Variants in PTPRK observed in about 807,000 individuals in gnomAD.
PTPRK encodes protein tyrosine phosphatase receptor type K, also known as receptor-type tyrosine-protein phosphatase kappa.
A neutral mutation model predicts 178.0 loss-of-function variants in PTPRK; 75 were observed. The ratio of observed to expected loss-of-function variants is 0.42; its 90% confidence interval spans 0.35 to 0.51. The LOEUF (loss-of-function observed/expected upper bound fraction) is 0.51, where lower values mean the gene tolerates loss of function less well. Ranked by LOEUF, PTPRK falls within the 20% of genes least tolerant of loss-of-function variation. The pLI is 0.02. For synonymous variants in PTPRK, 637 were observed against 620.6 expected (o/e 1.03, Z -0.39); for missense variants, 1,441 against 1,797.8 (o/e 0.80, Z 3.59).
intron 7 of PTPRK, among the ~76,000 whole-genome samples, chr6:128,170,260 C>T (rs1307247773): frequency 1.3e-5 from 2 of 151,940 alleles, no homozygotes; most frequent in African/African-American, 2.4e-5. Flanking sequence ...AAATAAGTGA[C>T]AGGGAAGATA....
intron 5 of PTPRK, among the ~76,000 whole-genome samples, chr6:128,238,722 T>A (rs576414993): frequency 2.0e-5 from 3 of 152,222 alleles, no homozygotes. Context: ...TTATACAACA[T>A]GCTTTCCAGG....
chr6:128,408,783 T>C lies in PTPRK; in HGVS notation c.101-11095A>G, dbSNP rs191509587. Among the ~76,000 whole-genome samples, 95 of 152,114 alleles carry C rather than the reference T, an allele frequency of 6.2e-4. 1 individual carries two copies. The highest frequency in any genetic ancestry group is 9.4e-4 in the Non-Finnish European group (64 of 67,998). On this transcript the variant is annotated intron_variant, in intron 1 of 29. Transcript: ENST00000368226. ...TGAACCCAATGGCTATAGGAAAAAA[T>C]TGAAAGAACAGACTTGAAGGGCACT...
At chr6:128,239,423 A>G (rs1253686025) in intron 5 of PTPRK, among the ~76,000 whole-genome samples, 2 of 152,214 alleles carry the variant, frequency 1.3e-5, no homozygotes, top group Non-Finnish European at 2.9e-5. Flanking sequence ...TTCTTAGTCT[A>G]TAGTTTTATC....
intron 1 of PTPRK, chr6:128,491,606 C>A: frequency 2.8e-6 from 1 of 359,880 alleles, no homozygotes; most frequent in Non-Finnish European, 5.6e-6. Flanking sequence ...AATTCTCAAG[C>A]TAGAAGACTG....
At chr6:128,036,919 A>T (rs1460392230) in intron 13 of PTPRK, among the ~76,000 whole-genome samples, 1 of 152,088 alleles carries the variant, frequency 6.6e-6, no homozygotes, top group East Asian at 1.9e-4. Flanking sequence ...TTTAGTACAG[A>T]TAGGGTTTCA....
intron 25 of PTPRK, among the ~76,000 whole-genome samples, chr6:127,978,640 C>T (rs575946407): frequency 6.6e-6 from 1 of 152,308 alleles, no homozygotes; most frequent in East Asian, 1.9e-4. Context: ...AATCAAATGT[C>T]TGCTCCATGC....
intron 1 of PTPRK, among the ~76,000 whole-genome samples, chr6:128,487,399 G>A (rs984849838): frequency 5.3e-5 from 8 of 151,350 alleles, no homozygotes; most frequent in Non-Finnish European, 1.2e-4. Flanking sequence ...GCCTTATTCT[G>A]ACTTTCTCCT....
chr6:128,268,408 CAT>C (rs908995456), intron 3 of PTPRK, among the ~76,000 whole-genome samples: 28 of 151,998 alleles, frequency 1.8e-4, no homozygotes, highest in Admixed American at 1.5e-3. Flanking sequence ...TGAGAGGAAA[CAT>C]AAAATGCAGA....
At chr6:128,305,696 AT>A (rs1562251216) in intron 3 of PTPRK, among the ~76,000 whole-genome samples, 1 of 152,208 alleles carries the variant, frequency 6.6e-6, no homozygotes, top group Non-Finnish European at 1.5e-5. Context: ...CAAATGTTTC[AT>A]TTTTGCCATA....
chr6:128,141,130 C>T (rs2114510038), intron 7 of PTPRK, among the ~76,000 whole-genome samples: 1 of 151,882 alleles, frequency 6.6e-6, no homozygotes, highest in Middle Eastern at 3.4e-3. Context: ...AACTAAAGTA[C>T]AAAGGAAGAT....
intron 3 of PTPRK, among the ~76,000 whole-genome samples, chr6:128,295,612 T>A (rs760849354): frequency 6.6e-6 from 1 of 152,096 alleles, no homozygotes; most frequent in Non-Finnish European, 1.5e-5. Context: ...CTGATCACAG[T>A]TGATACTTTT....
chr6:128,133,717 C>CTT (rs76203097), intron 7 of PTPRK, among the ~76,000 whole-genome samples: 1 of 142,972 alleles, frequency 7.0e-6, no homozygotes, highest in Non-Finnish European at 1.5e-5. Context: ...TAAAGAAAGG[C>CTT]TTTTTTTTTT....
chr6:128,375,058 C>CATTATTATTATT (rs58185524), intron 2 of PTPRK, among the ~76,000 whole-genome samples: 281 of 132,276 alleles, frequency 2.1e-3, no homozygotes, highest in Middle Eastern at 3.8e-3. Flanking sequence ...AGAAACACTG[C>CATTATTATTATT]ATTATTATTA....
intron 7 of PTPRK, among the ~76,000 whole-genome samples, chr6:128,110,976 T>C (rs1157657620): frequency 6.6e-6 from 1 of 152,172 alleles, no homozygotes; most frequent in Non-Finnish European, 1.5e-5. Context: ...TGTCAGGACC[T>C]ACATATCACC....
intron 1 of PTPRK, among the ~76,000 whole-genome samples, chr6:128,479,933 A>G (rs1584911103): frequency 6.6e-6 from 1 of 152,254 alleles, no homozygotes; most frequent in Admixed American, 6.5e-5. Context: ...GTTGCCCAGA[A>G]TCCACTTACT....
intron 15 of PTPRK, chr6:128,003,151 G>A: frequency 6.5e-7 from 1 of 1,536,470 alleles, no homozygotes. Context: ...CATGCAAGGA[G>A]GTGTGATCCA....
intron 13 of PTPRK, among the ~76,000 whole-genome samples, chr6:128,038,717 A>G (rs960395869): frequency 6.6e-6 from 1 of 152,198 alleles, no homozygotes; most frequent in Admixed American, 6.6e-5. Flanking sequence ...CCATCAATAA[A>G]AAAACTTTAA....
chr6:128,087,827 T>C (rs1786179538), intron 8 of PTPRK, among the ~76,000 whole-genome samples: 1 of 152,184 alleles, frequency 6.6e-6, no homozygotes, highest in Admixed American at 6.5e-5. Flanking sequence ...AATTTTGAGC[T>C]AAATGTGGTT....
At chr6:128,098,245 C>G (rs748376053) in intron 7 of PTPRK, among the ~76,000 whole-genome samples, 1 of 152,078 alleles carries the variant, frequency 6.6e-6, no homozygotes, top group Non-Finnish European at 1.5e-5. Context: ...TTATTCATTT[C>G]TTCTTGTTGT....
Sources: gnomAD v4.1 joint callset for allele counts (sites outside exome capture counted in the v4.1 genomes callset) on GRCh38, gnomAD v4.1.1 for gene constraint, MANE v1.5 for transcripts, NCBI Gene and HGNC (gene_info 2026-07-23, HGNC 2026-07-21) for gene names.